SNX33: variants seen among roughly 807,000 people sequenced by gnomAD.
SNX33 encodes the protein sorting nexin 33.
Under a neutral mutation model 38.8 loss-of-function variants are expected in SNX33, and 19 were observed. That is an observed-to-expected ratio of 0.49 (90% confidence interval 0.34 to 0.72). SNX33 has a LOEUF of 0.72. Among genes scored for constraint, SNX33 ranks in the 30% least tolerant of loss-of-function variants. The pLI, the probability that SNX33 is intolerant of heterozygous loss-of-function variation, is 0.01. For synonymous variants in SNX33, 246 were observed against 289.7 expected, an observed-to-expected ratio of 0.85 and a Z score of 1.53; for missense variants, 641 against 776.4, an observed-to-expected ratio of 0.83 and a Z score of 2.07.
chr15:75,657,375 A>G lies in SNX33; in HGVS notation c.*160A>G, dbSNP rs1463459101. On this transcript the variant is annotated 3_prime_UTR_variant, in exon 2 of 2. Transcript: ENST00000308527. The surrounding 1 kb of genome is among the most constrained non-coding windows in gnomAD (Gnocchi z 5.5). ...TGGGAGAAGGAGCTTTCAAGGAGTC[A>G]TGGGTGCCCCTGGGAAATTCCCCAC... 2 of 1,229,560 alleles carry G rather than the reference A, an allele frequency of 1.6e-6. No homozygotes were observed. The highest frequency in any genetic ancestry group is 2.3e-6 in the Non-Finnish European group (2 of 887,634). 76.2% of individuals were successfully genotyped at this position (1,229,560 alleles called of 1,614,324 possible).
In SNX33 at chr15:75,649,620, C is replaced by T; in HGVS notation, c.518C>T (p.Ala173Val). 1 of 1,613,056 alleles carries T rather than the reference C, an allele frequency of 6.2e-7. No individual in the cohort carries two copies. Among genetic ancestry groups the T allele is most frequent in the Non-Finnish European group, 8.5e-7 (1 of 1,179,468 alleles). The change falls in exon 1 of 2, where the codon GCC (alanine) becomes GTC (valine). Residue 173 changes from alanine to valine, a missense_variant. This residue lies in a region of SNX33 where 243 missense variants were observed against 233.9 expected (regional missense o/e 1.04). Transcript: ENST00000308527. This position sits in a 1 kb window ranked among gnomAD's most constrained non-coding sequence, Gnocchi z 6.6. ...PLERQDSLAS[A>V]KRGSVVGRNL... ...GAGCGGCAGGACAGCCTGGCATCTG[C>T]CAAGCGAGGCAGTGTGGTGGGCCGT...
In SNX33 at chr15:75,648,294, C is replaced by T. The variant is rs1893523169; in HGVS notation, c.-809C>T. 3.0e-6 allele frequency: 3 copies of T among 985,126 alleles called. No homozygotes were observed. Among genetic ancestry groups the T allele is most frequent in the African/African-American group, 3.5e-5 (2 of 57,186 alleles). 61.0% of individuals were successfully genotyped at this position (985,126 alleles called of 1,614,324 possible). On this transcript the variant is annotated 5_prime_UTR_variant, in exon 1 of 2. Transcript: ENST00000308527. The surrounding 1 kb of genome is among the most constrained non-coding windows in gnomAD (Gnocchi z 4.4). Reference sequence around the variant, plus strand: ...GTGGCTAGAAGTCGCCCGACAGCCTCGTCGCGCCCCCTCCTTCCTCCGGGG... The same window carrying T: ...GTGGCTAGAAGTCGCCCGACAGCCTTGTCGCGCCCCCTCCTTCCTCCGGGG...
At position 75,648,848 on chromosome 15, in the gene SNX33, T is replaced by C; in HGVS notation, c.-255T>C. 1 of 392,824 alleles carries C rather than the reference T, an allele frequency of 2.5e-6. No homozygotes were observed. Among genetic ancestry groups the C allele is most frequent in the Non-Finnish European group, 4.4e-6 (1 of 225,716 alleles). The allele number at this position is 392,824 out of a possible 1,614,324, so 24.3% of individuals were successfully genotyped here. A position where few individuals can be genotyped will look rare whatever the true frequency, so the allele number is the denominator to read the frequency against. On this transcript the variant is annotated 5_prime_UTR_variant, in exon 1 of 2. Transcript: ENST00000308527. The surrounding 1 kb of genome is among the most constrained non-coding windows in gnomAD (Gnocchi z 4.4). ...AGAGGCTGCTAAGGGAGGAGGAGAC[T>C]GTGGACATGAGCCCTCCCTGCTCAC...
At position 75,657,313 on chromosome 15, in the gene SNX33, T is replaced by C; in HGVS notation, c.*98T>C. ...ATACCAGCAGTGACTGGGGGAGGGGTCAGCGGTGGGGGAGATAAGCGGCCT... is the reference window on the plus strand; with the variant it reads ...ATACCAGCAGTGACTGGGGGAGGGGCCAGCGGTGGGGGAGATAAGCGGCCT... On this transcript the variant is annotated 3_prime_UTR_variant, in exon 2 of 2. Coordinates refer to ENST00000308527, the MANE Select transcript of SNX33 (RefSeq NM_153271.2). The surrounding 1 kb of genome is among the most constrained non-coding windows in gnomAD (Gnocchi z 5.5). 6.4e-7 allele frequency: 1 copy of C among 1,555,330 alleles called. No homozygotes were observed. The highest frequency in any genetic ancestry group is 1.7e-5 in the Admixed American group (1 of 57,626).
chr15:75,649,942 G>A lies in SNX33; in HGVS notation c.840G>A (p.Lys280=), dbSNP rs1265581393. The change falls in exon 1 of 2, where the codon AAG becomes AAA. Residue 280 remains lysine (K), a synonymous_variant. Coordinates refer to ENST00000308527, the MANE Select transcript of SNX33 (RefSeq NM_153271.2). This position sits in a 1 kb window ranked among gnomAD's most constrained non-coding sequence, Gnocchi z 6.6. ...FDWLYNRLLH[K]FTVISVPHLP... ...GGCTCTATAACCGCCTGCTACACAAGTTCACTGTCATCTCGGTGCCCCACC... is the reference window on the plus strand; with the variant it reads ...GGCTCTATAACCGCCTGCTACACAAATTCACTGTCATCTCGGTGCCCCACC... 6.2e-7 allele frequency: 1 copy of A among 1,604,170 alleles called. No homozygotes were observed. The highest frequency in any genetic ancestry group is 8.5e-7 in the Non-Finnish European group (1 of 1,175,526).
chr15:75,658,773 A>T lies in SNX33; in HGVS notation c.*1558A>T, dbSNP rs904424467. 4 of 152,332 alleles carry T rather than the reference A, an allele frequency of 2.6e-5. No individual in the cohort carries two copies. The highest frequency in any genetic ancestry group is 4.4e-5 in the Non-Finnish European group (3 of 68,084). The allele number at this position is 152,332 out of a possible 1,614,324, so 9.4% of individuals were successfully genotyped here. Reference sequence around the variant, plus strand: ...ATTTTCCACAGAACCTCAAAAGTTCAGGGGAGGGCTATGCTGGTGGAAGGT... The same window carrying T: ...ATTTTCCACAGAACCTCAAAAGTTCTGGGGAGGGCTATGCTGGTGGAAGGT... On this transcript the variant is annotated 3_prime_UTR_variant, in exon 2 of 2. Coordinates refer to ENST00000308527, the MANE Select transcript of SNX33 (RefSeq NM_153271.2). The surrounding 1 kb of genome is among the most constrained non-coding windows in gnomAD (Gnocchi z 4.1).
Position 75,648,936 on chromosome 15 carries a change from G to A in SNX33, c.-167G>A. The A allele has an allele frequency of 1.3e-6, 1 of 768,540 alleles. No homozygotes were observed. The highest frequency in any genetic ancestry group is 2.0e-6 in the Non-Finnish European group (1 of 511,354). The allele number at this position is 768,540 out of a possible 1,614,324, so 47.6% of individuals were successfully genotyped here. A position where few individuals can be genotyped will look rare whatever the true frequency, so the allele number is the denominator to read the frequency against. On this transcript the variant is annotated 5_prime_UTR_variant, in exon 1 of 2. Transcript: ENST00000308527. The surrounding 1 kb of genome is among the most constrained non-coding windows in gnomAD (Gnocchi z 4.4). ...GCCATGGACATTGCTTTGAAGAGGG[G>A]GAGACTGGACAGCATCTGTGGGTGC... is the stretch of plus-strand genomic sequence containing the variant.
intron 1 of SNX33, among the ~76,000 whole-genome samples, chr15:75,651,114 G>A (rs1893574476): frequency 6.6e-6 from 1 of 152,214 alleles, no homozygotes; most frequent in Non-Finnish European, 1.5e-5. Flanking sequence ...TGAGGAGCCG[G>A]TAGGCCCTTG....
rs151284301 is a variant in SNX33 at position 75,657,097 on chromosome 15, A to G, written c.1607A>G (p.Gln536Arg). ...ALQAEMNHFH[Q>R]RRELDFKHMM... ...CAGGCCGAGATGAACCACTTCCACC[A>G]GCGCCGTGAGCTCGACTTCAAGCAC... The change falls in exon 2 of 2, where the codon CAG becomes CGG. Residue 536 changes from glutamine (Q) to arginine (R), a missense_variant. By Grantham distance (43) the Gln-to-Arg change is conservative. Coordinates refer to ENST00000308527, the MANE Select transcript of SNX33 (RefSeq NM_153271.2). This position sits in a 1 kb window ranked among gnomAD's most constrained non-coding sequence, Gnocchi z 5.5. 3 of 1,614,198 alleles carry G rather than the reference A, an allele frequency of 1.9e-6. No homozygotes were observed. The highest frequency in any genetic ancestry group is 1.7e-6 in the Non-Finnish European group (2 of 1,180,026).
Position 75,649,638 on chromosome 15 carries a change from T to TG in SNX33, c.539dup (p.Arg181ProfsTer2). 6.2e-7 allele frequency: 1 copy of TG among 1,610,260 alleles called. No individual in the cohort carries two copies. The highest frequency in any genetic ancestry group is 8.5e-7 in the Non-Finnish European group (1 of 1,177,866). ...GCATCTGCCAAGCGAGGCAGTGTGG[T>TG]GGGCCGTAACCTCAACCGTTTCTCA... On this transcript the variant is annotated frameshift_variant, in exon 1 of 2. Transcript: ENST00000308527. LOFTEE classifies it high-confidence loss of function. This position sits in a 1 kb window ranked among gnomAD's most constrained non-coding sequence, Gnocchi z 6.6.
Position 75,656,953 on chromosome 15 carries a change from C to T in SNX33, c.1472-9C>T. 6.2e-7 allele frequency: 1 copy of T among 1,611,290 alleles called. No homozygotes were observed. The highest frequency in any genetic ancestry group is 1.1e-5 in the South Asian group (1 of 90,872). On this transcript the variant is annotated splice_polypyrimidine_tract_variant and intron_variant, in intron 1 of 1. Transcript: ENST00000308527. ...CCTCACACGCTGTCCTCTGCTCTGC[C>T]TATGCCAGGCGCCTTCGCCAAGGTG...
At position 75,650,741 on chromosome 15, in the gene SNX33, C is replaced by G. The variant is rs765712267; in HGVS notation, c.1471+168C>G. ...GGGCACGGTGGCTTACGCTTGTAAT[C>G]TCAGCACTTTGGGAGGTTGAAGTAG... On this transcript the variant is annotated intron_variant, in intron 1 of 1. Transcript: ENST00000308527. This position sits in a 1 kb window ranked among gnomAD's most constrained non-coding sequence, Gnocchi z 6.1. 6.6e-6 allele frequency among the ~76,000 whole-genome samples: 1 copy of G among 152,178 alleles called. No individual in the cohort carries two copies. Among genetic ancestry groups the G allele is most frequent in the Non-Finnish European group, 1.5e-5 (1 of 68,046 alleles).
rs752158302 is a variant in SNX33, at chr15:75,649,284, C to G, written c.182C>G (p.Ser61Cys). The change falls in exon 1 of 2, where the codon TCT (serine) becomes TGT (cysteine). Residue 61 changes from serine (S) to cysteine (C), a missense_variant. This residue lies in a region of SNX33 where 243 missense variants were observed against 233.9 expected (regional missense o/e 1.04). Transcript: ENST00000308527. This position sits in a 1 kb window ranked among gnomAD's most constrained non-coding sequence, Gnocchi z 6.6. ...FPASYVEIVR[S>C]GISTNHADYS... ...GCCTCTTATGTGGAGATCGTCCGTT[C>G]TGGCATCAGCACCAACCATGCTGAC... The G allele has an allele frequency of 9.3e-6, 15 of 1,612,114 alleles. No homozygotes were observed. In the African/African-American group the frequency reaches 1.1e-4, roughly 11 times the overall value.
chr15:75,655,386 G>T (rs2141399456), intron 1 of SNX33, among the ~76,000 whole-genome samples: 1 of 152,344 alleles, frequency 6.6e-6, no homozygotes, highest in South Asian at 2.1e-4. Context: ...GCCCAGGGCT[G>T]GGCTGTTGAG....
At chr15:75,652,515 C>T (rs1022953469) in intron 1 of SNX33, among the ~76,000 whole-genome samples, 20 of 152,190 alleles carry the variant, frequency 1.3e-4, no homozygotes, top group African/African-American at 4.3e-4. Flanking sequence ...CTAGGAAGGA[C>T]ACCAGGGCCT....
chr15:75,650,469 T>A lies in SNX33; in HGVS notation c.1367T>A (p.Met456Lys). Reference protein sequence around the residue: ...TGRTYEAIGEMFAEQPKNDLF... With the variant: ...TGRTYEAIGEKFAEQPKNDLF... ...CGTACCTATGAAGCCATCGGGGAGA[T>A]GTTTGCTGAGCAGCCCAAGAATGAC... The change falls in exon 1 of 2, where the codon ATG (methionine) becomes AAG (lysine). Residue 456 changes from methionine (M) to lysine (K), a missense_variant. Physicochemically the swap from Met to Lys is moderately conservative, Grantham distance 95. This residue lies in a region of SNX33 where 398 missense variants were observed against 542.5 expected (regional missense o/e 0.73). Transcript: ENST00000308527. The surrounding 1 kb of genome is among the most constrained non-coding windows in gnomAD (Gnocchi z 6.1). 2 of 1,614,144 alleles carry A rather than the reference T, an allele frequency of 1.2e-6. No homozygotes were observed. Among genetic ancestry groups the A allele is most frequent in the Non-Finnish European group, 1.7e-6 (2 of 1,180,014 alleles).
rs888406185 is a variant in SNX33 at position 75,657,402 on chromosome 15, C to T, written c.*187C>T. The T allele has an allele frequency of 8.5e-6, 8 of 943,626 alleles. No homozygotes were observed. Among genetic ancestry groups the T allele is most frequent in the African/African-American group, 1.7e-5 (1 of 60,548 alleles). 58.5% of individuals were successfully genotyped at this position (943,626 alleles called of 1,614,324 possible). On this transcript the variant is annotated 3_prime_UTR_variant, in exon 2 of 2. Coordinates refer to ENST00000308527, the MANE Select transcript of SNX33 (RefSeq NM_153271.2). This position sits in a 1 kb window ranked among gnomAD's most constrained non-coding sequence, Gnocchi z 5.5. Reference sequence around the variant, plus strand: ...GGGTGCCCCTGGGAAATTCCCCACTCCTTAGAAGTGGGGCACAGCAGGGGT... The same window carrying T: ...GGGTGCCCCTGGGAAATTCCCCACTTCTTAGAAGTGGGGCACAGCAGGGGT...
At chr15:75,653,214 C>A (rs777374211) in intron 1 of SNX33, among the ~76,000 whole-genome samples, 1 of 152,096 alleles carries the variant, frequency 6.6e-6, no homozygotes, top group South Asian at 2.1e-4. Context: ...GGACATAAAC[C>A]CTGGCTGGAG....
In SNX33 at chr15:75,648,528, G is replaced by A. The variant is rs1023626202; in HGVS notation, c.-575G>A. The A allele has an allele frequency of 5.1e-6, 5 of 985,334 alleles. No homozygotes were observed. Among genetic ancestry groups the A allele is most frequent in the Non-Finnish European group, 4.8e-6 (4 of 829,982 alleles). The allele number at this position is 985,334 out of a possible 1,614,324, so 61.0% of individuals were successfully genotyped here. A position where few individuals can be genotyped will look rare whatever the true frequency, so the allele number is the denominator to read the frequency against. On this transcript the variant is annotated 5_prime_UTR_variant, in exon 1 of 2. Transcript: ENST00000308527. This position sits in a 1 kb window ranked among gnomAD's most constrained non-coding sequence, Gnocchi z 4.4. ...CTCCTTGCCCCTCTTGGATTTTCCG[G>A]ATTTTTGAAAACCCAGTGGCCCAGG... is the stretch of plus-strand genomic sequence containing the variant.
Sources: allele counts gnomAD v4.1 joint callset (sites outside exome capture counted in the v4.1 genomes callset), GRCh38; gene constraint gnomAD v4.1.1; regional missense constraint gnomAD v4.1.1; non-coding constraint Gnocchi (gnomAD v3.1); transcripts MANE v1.5; gene names NCBI Gene and HGNC (gene_info 2026-07-23, HGNC 2026-07-21).